The following SCHIP1 variants were observed in gnomAD, a reference collection of about 807,000 sequenced individuals.
SCHIP1 encodes the protein schwannomin interacting protein 1, also known as schwannomin-interacting protein 1.
In SCHIP1, 8 loss-of-function variants were observed where a neutral mutation model predicts 29.7. The ratio of observed to expected loss-of-function variants is 0.27; its 90% confidence interval spans 0.16 to 0.49. The LOEUF (loss-of-function observed/expected upper bound fraction) is 0.49. Among genes scored for constraint, SCHIP1 ranks in the 20% least tolerant of loss-of-function variants. The probability of loss-of-function intolerance (pLI) is 0.99; values close to 1 mark genes in which losing one functional copy is unlikely to be tolerated. For synonymous variants in SCHIP1, 76 were observed against 94.9 expected, an observed-to-expected ratio of 0.80 and a Z score of 1.16; for missense variants, 193 against 294.6, an observed-to-expected ratio of 0.66 and a Z score of 2.52.
the SCHIP1 span, among the ~76,000 whole-genome samples, chr3:159,474,627 A>G: frequency 6.6e-6 from 1 of 152,158 alleles, no homozygotes; most frequent in Non-Finnish European, 1.5e-5. Context: ...GATCCCAAAC[A>G]CATGCCCACA....
At chr3:159,531,459 T>C in the SCHIP1 span, among the ~76,000 whole-genome samples, 2 of 152,228 alleles carry the variant, frequency 1.3e-5, no homozygotes, top group African/African-American at 4.8e-5. Flanking sequence ...CTTTTTAAGT[T>C]AACGCTATCT....
At chr3:159,393,546 C>G in the SCHIP1 span, among the ~76,000 whole-genome samples, 2 of 151,550 alleles carry the variant, frequency 1.3e-5, no homozygotes, top group Non-Finnish European at 2.9e-5. Flanking sequence ...AGCCAGTTTT[C>G]CCAGCACCAT....
chr3:159,297,471 T>C, the SCHIP1 span, among the ~76,000 whole-genome samples: 1 of 152,024 alleles, frequency 6.6e-6, no homozygotes, highest in Non-Finnish European at 1.5e-5. Context: ...TTCAGGGAGG[T>C]TGAGTCACTG....
At chr3:159,673,037 A>G in the SCHIP1 span, among the ~76,000 whole-genome samples, 2 of 152,180 alleles carry the variant, frequency 1.3e-5, no homozygotes, top group Non-Finnish European at 2.9e-5. Flanking sequence ...AAAGTAACCG[A>G]AACCTGTTTA....
chr3:159,397,055 CTTCATTTCA>C, the SCHIP1 span, among the ~76,000 whole-genome samples: 38 of 151,158 alleles, frequency 2.5e-4, no homozygotes, highest in African/African-American at 8.9e-4. Flanking sequence ...TCCCTTCTCT[CTTCATTTCA>C]TTCATTTCAT....
chr3:159,344,716 C>G, the SCHIP1 span, among the ~76,000 whole-genome samples: 1 of 152,140 alleles, frequency 6.6e-6, no homozygotes, highest in South Asian at 2.1e-4. Context: ...AAACTGGTAT[C>G]TTGGATAGAA....
chr3:159,309,146 TAAAAA>T, the SCHIP1 span: 28 of 211,782 alleles, frequency 1.3e-4, no homozygotes, highest in Non-Finnish European at 2.2e-4. Flanking sequence ...AAGTTAAAAT[TAAAAA>T]AAAACAATTA....
At chr3:159,363,972 C>G in the SCHIP1 span, among the ~76,000 whole-genome samples, 1 of 152,152 alleles carries the variant, frequency 6.6e-6, no homozygotes, top group Non-Finnish European at 1.5e-5. Context: ...AATTGAATTT[C>G]TTTGGACAAA....
At chr3:159,408,750 A>G in the SCHIP1 span, among the ~76,000 whole-genome samples, 1 of 152,200 alleles carries the variant, frequency 6.6e-6, no homozygotes. Context: ...CTCTCCCAAA[A>G]AATAGAGTAC....
chr3:159,346,611 G>A, the SCHIP1 span, among the ~76,000 whole-genome samples: 11 of 152,036 alleles, frequency 7.2e-5, no homozygotes, highest in South Asian at 2.1e-4. Flanking sequence ...GTTGGGAGCC[G>A]CATGATTCAT....
the SCHIP1 span, among the ~76,000 whole-genome samples, chr3:159,407,373 T>C: frequency 6.6e-6 from 1 of 152,068 alleles, no homozygotes; most frequent in Non-Finnish European, 1.5e-5. Flanking sequence ...AACATGGAAA[T>C]ACCCAATATA....
the SCHIP1 span, among the ~76,000 whole-genome samples, chr3:159,626,150 A>ATC: frequency 1.9e-4 from 23 of 119,146 alleles, no homozygotes; most frequent in East Asian, 1.5e-3. Context: ...ATATCTAGAT[A>ATC]TATATATATA....
upstream of SCHIP1, among the ~76,000 whole-genome samples, chr3:159,837,254 G>A (rs1743748641): frequency 6.6e-6 from 1 of 152,138 alleles, no homozygotes; most frequent in African/African-American, 2.4e-5. Flanking sequence ...TGAGTCTTAG[G>A]GTCATAGATT....
the SCHIP1 span, among the ~76,000 whole-genome samples, chr3:159,601,279 AT>A: frequency 6.6e-6 from 1 of 152,106 alleles, no homozygotes; most frequent in African/African-American, 2.4e-5. Context: ...ATGGGCTGGT[AT>A]TGACAGTAGC....
chr3:159,509,855 T>C, the SCHIP1 span, among the ~76,000 whole-genome samples: 1 of 152,238 alleles, frequency 6.6e-6, no homozygotes, highest in Admixed American at 6.5e-5. Context: ...TCTGATGGGC[T>C]TCCCTTTGTG....
the SCHIP1 span, among the ~76,000 whole-genome samples, chr3:159,277,037 A>G: frequency 6.6e-6 from 1 of 152,120 alleles, no homozygotes; most frequent in African/African-American, 2.4e-5. Flanking sequence ...AATAAGACCC[A>G]TCTTGATGCA....
chr3:159,451,201 C>T, the SCHIP1 span, among the ~76,000 whole-genome samples: 4 of 152,344 alleles, frequency 2.6e-5, no homozygotes, highest in South Asian at 8.3e-4. Context: ...TAGTTAGGAA[C>T]ACCATTCTCT....
At chr3:159,692,172 C>T in the SCHIP1 span, among the ~76,000 whole-genome samples, 1 of 152,244 alleles carries the variant, frequency 6.6e-6, no homozygotes, top group African/African-American at 2.4e-5. Context: ...TCCTTCATTT[C>T]ATCCTTGGTG....
chr3:159,742,119 G>A, the SCHIP1 span, among the ~76,000 whole-genome samples: 16 of 152,244 alleles, frequency 1.1e-4, no homozygotes, highest in Admixed American at 7.2e-4. Context: ...CCAGCTACTC[G>A]GGAGGCTGAG....
Sources: gnomAD v4.1 joint callset for allele counts (sites outside exome capture counted in the v4.1 genomes callset) on GRCh38, gnomAD v4.1.1 for gene constraint, MANE v1.5 for transcripts, NCBI Gene and HGNC (gene_info 2026-07-23, HGNC 2026-07-21) for gene names.